Variants in FRMD1 observed in about 807,000 individuals in gnomAD.
FRMD1 encodes FERM domain-containing protein 1.
In FRMD1, 51 loss-of-function variants were observed where a neutral mutation model predicts 54.9. That is an observed-to-expected ratio of 0.93 (90% confidence interval 0.74 to 1.17). FRMD1 has a LOEUF of 1.17. FRMD1 is among the 50% of genes most tolerant of loss of function. The pLI, the probability that FRMD1 is intolerant of heterozygous loss-of-function variation, is 0.00. For synonymous variants in FRMD1, 324 were observed against 306.4 expected (o/e 1.06, Z -0.60); for missense variants, 729 against 743.0 (o/e 0.98, Z 0.22).
At chr6:168,083,494 G>A (rs1285508367), upstream of FRMD1, among the ~76,000 whole-genome samples, 1 of 152,248 alleles carries the variant, frequency 6.6e-6, no homozygotes, top group African/African-American at 2.4e-5. Flanking sequence ...ATCTCCCATC[G>A]ACTTGAATGA....
chr6:168,067,123 G>A (rs774322262), intron 3 of FRMD1: 19 of 703,822 alleles, frequency 2.7e-5, no homozygotes, highest in African/African-American at 1.6e-4. Flanking sequence ...CCCTCTGGAC[G>A]GAGCAGCTGC....
rs984560883 is a variant in FRMD1, at chr6:168,053,705, G to A, written c.*3392C>T. On this transcript the variant is annotated 3_prime_UTR_variant, in exon 11 of 11. Coordinates refer to ENST00000283309, the MANE Select transcript of FRMD1 (RefSeq NM_024919.6). ...GTGAATGCACTCGCAGGGCCGCAGA[G>A]CTCAGCTTTCCCCGTGGCTCTGGCA... is the stretch of plus-strand genomic sequence containing the variant. 1 of 152,292 alleles carries A rather than the reference G, an allele frequency of 6.6e-6. No homozygotes were observed. Among genetic ancestry groups the A allele is most frequent in the Non-Finnish European group, 1.5e-5 (1 of 68,076 alleles). 9.4% of individuals were successfully genotyped at this position (152,292 alleles called of 1,614,324 possible). A position where few individuals can be genotyped will look rare whatever the true frequency, so the allele number is the denominator to read the frequency against.
rs777949054 is a variant in FRMD1 at position 168,057,109 on chromosome 6, C to A, written c.1638G>T (p.Glu546Asp). 1 of 1,486,018 alleles carries A rather than the reference C, an allele frequency of 6.7e-7. No individual in the cohort carries two copies. The highest frequency in any genetic ancestry group is 1.4e-5 in the African/African-American group (1 of 71,484). The allele number at this position is 1,486,018 out of a possible 1,614,324, so 92.1% of individuals were successfully genotyped here. Residue 546 changes from glutamate (E) to aspartate (D), a missense_variant, in exon 11 of 11, where the codon GAG becomes GAT. Transcript: ENST00000283309. Reference sequence around the variant, plus strand: ...GGGTGGGTGGTGCCTACACCACAAACTCCTGTGGTGGAGCCTCTCCGAACA... The same window carrying A: ...GGGTGGGTGGTGCCTACACCACAAAATCCTGTGGTGGAGCCTCTCCGAACA... ...LDLFGEAPPQEFVV is the reference protein window; with the variant it reads ...LDLFGEAPPQDFVV
chr6:168,074,696 G>C (rs894041952), intron 2 of FRMD1, among the ~76,000 whole-genome samples: 1 of 116,676 alleles, frequency 8.6e-6, no homozygotes, highest in Non-Finnish European at 1.8e-5. Flanking sequence ...TGTAATTGTG[G>C]GCATGTGTGT....
intron 2 of FRMD1, among the ~76,000 whole-genome samples, chr6:168,073,655 T>C (rs964945052): frequency 6.6e-6 from 1 of 152,024 alleles, no homozygotes; most frequent in Admixed American, 6.6e-5. Flanking sequence ...CTGGCTTCTG[T>C]CCACACTCAC....
intron 1 of FRMD1, among the ~76,000 whole-genome samples, chr6:168,091,416 C>A (rs1395084749): frequency 1.3e-5 from 2 of 152,220 alleles, no homozygotes; most frequent in Admixed American, 1.3e-4. Flanking sequence ...CTCCCCAGGC[C>A]CCCAGCAGAG....
At position 168,075,875 on chromosome 6, in the gene FRMD1, GT is replaced by G; in HGVS notation, c.214-541del. Reference sequence around the variant, plus strand: ...CCCGTGTCCACATTTCCGGTGCCCGGTGTCCACATTTCCGGCGTCCCGTGTC... The same window carrying G: ...CCCGTGTCCACATTTCCGGTGCCCGGGTCCACATTTCCGGCGTCCCGTGTC... On this transcript the variant is annotated intron_variant, in intron 1 of 10. Coordinates refer to ENST00000283309, the MANE Select transcript of FRMD1 (RefSeq NM_024919.6). 13 of 1,035,428 alleles carry G rather than the reference GT, an allele frequency of 1.3e-5. 1 individual carries two copies. Among genetic ancestry groups the G allele is most frequent in the African/African-American group, 4.0e-5 (2 of 49,636 alleles). The allele number at this position is 1,035,428 out of a possible 1,614,324, so 64.1% of individuals were successfully genotyped here. A position where few individuals can be genotyped will look rare whatever the true frequency, so the allele number is the denominator to read the frequency against.
chr6:168,065,089 G>T, intron 4 of FRMD1, 32 bp from the exon 5 acceptor site: 2 of 1,576,418 alleles, frequency 1.3e-6, no homozygotes, highest in South Asian at 1.2e-5. Context: ...GTTCCAGGAC[G>T]ACCGGTGTGG....
chr6:168,066,836 T>A lies in FRMD1; in HGVS notation c.385-5A>T. 1 of 1,611,282 alleles carries A rather than the reference T, an allele frequency of 6.2e-7. No individual in the cohort carries two copies. The highest frequency in any genetic ancestry group is 1.3e-5 in the African/African-American group (1 of 74,804). ...GGCTCTGGGTTTCTCATTTCCCTAG[T>A]GGGGAAAATGCAAGAAAGAGCAAGT... On this transcript the variant is annotated splice_region_variant and splice_polypyrimidine_tract_variant and intron_variant, in intron 3 of 10. Coordinates refer to ENST00000283309, the MANE Select transcript of FRMD1 (RefSeq NM_024919.6).
intron 1 of FRMD1, among the ~76,000 whole-genome samples, chr6:168,087,899 C>T (rs1800948592): frequency 6.6e-6 from 1 of 152,216 alleles, no homozygotes; most frequent in Non-Finnish European, 1.5e-5. Flanking sequence ...TGCTTCCAAC[C>T]CTGGCCCCAG....
At chr6:168,074,520 A>T (rs1020616269) in intron 2 of FRMD1, among the ~76,000 whole-genome samples, 1 of 120,594 alleles carries the variant, frequency 8.3e-6, no homozygotes, top group Non-Finnish European at 1.7e-5. Context: ...TGTGTGGTGT[A>T]TGTATGTGTA....
chr6:168,071,263 GT>G (rs1800293637), intron 2 of FRMD1, among the ~76,000 whole-genome samples: 1 of 152,162 alleles, frequency 6.6e-6, no homozygotes, highest in African/African-American at 2.4e-5. Context: ...CACATCTCTT[GT>G]TTTTTGCTAC....
intron 4 of FRMD1, chr6:168,066,059 C>T (rs1562416012): frequency 4.0e-6 from 4 of 999,482 alleles, no homozygotes; most frequent in East Asian, 1.1e-4. Flanking sequence ...GAAAGCTTCC[C>T]ACTAGACACC....
intron 6 of FRMD1, among the ~76,000 whole-genome samples, 153 bp downstream of exon 6, chr6:168,063,448 C>T (rs1799863317): frequency 2.0e-5 from 3 of 151,286 alleles, no homozygotes; most frequent in Admixed American, 2.0e-4. Context: ...GGGGCTCCAT[C>T]TATCCCTGCC....
chr6:168,089,102 A>T lies in FRMD1; in HGVS notation c.-11-10078T>A, dbSNP rs559890323. ...CACACCAGGGCCATACACAGGGGCC[A>T]GCAGCCTGCCTGGGGGGCTGCACTG... On this transcript the variant is annotated intron_variant, in intron 1 of 12. Coordinates refer to the FRMD1 transcript ENST00000644440. Among the ~76,000 whole-genome samples the T allele has an allele frequency of 6.6e-5, 10 of 152,356 alleles. No individual in the cohort carries two copies. In the South Asian group the frequency reaches 1.2e-3, roughly 19 times the overall value.
At chr6:168,072,540 G>C (rs993814910) in intron 2 of FRMD1, among the ~76,000 whole-genome samples, 1 of 152,238 alleles carries the variant, frequency 6.6e-6, no homozygotes, top group African/African-American at 2.4e-5. Context: ...GGGCACAGAC[G>C]AGGCAGAGTG....
At chr6:168,069,396 C>T (rs1800189876) in intron 2 of FRMD1, among the ~76,000 whole-genome samples, 2 of 152,344 alleles carry the variant, frequency 1.3e-5, no homozygotes, top group South Asian at 4.1e-4. Flanking sequence ...CAGAAAAAGT[C>T]TGCCAATGCC....
chr6:168,070,632 C>T (rs1800261416), intron 2 of FRMD1, among the ~76,000 whole-genome samples: 2 of 152,172 alleles, frequency 1.3e-5, no homozygotes, highest in African/African-American at 4.8e-5. Flanking sequence ...ATCATATGAG[C>T]CAGTTCTTTA....
intron 1 of FRMD1, among the ~76,000 whole-genome samples, chr6:168,077,257 G>A (rs1017971776): frequency 6.7e-6 from 1 of 149,144 alleles, no homozygotes; most frequent in African/African-American, 2.4e-5. Context: ...TCCAACTGCA[G>A]ACACAGATGT....
Sources: gnomAD v4.1 joint callset for allele counts (sites outside exome capture counted in the v4.1 genomes callset) on GRCh38, gnomAD v4.1.1 for gene constraint, MANE v1.5 for transcripts, NCBI Gene and HGNC (gene_info 2026-07-23, HGNC 2026-07-21) for gene names.